Variants in COMMD9 observed in about 807,000 individuals in gnomAD.
COMMD9 encodes the protein COMM domain-containing protein 9.
A neutral mutation model predicts 23.4 loss-of-function variants in COMMD9; 22 were observed. That is an observed-to-expected ratio of 0.94 (90% CI 0.67 to 1.34). COMMD9 has a LOEUF of 1.34. COMMD9 is among the 40% of genes most tolerant of loss of function. The probability of loss-of-function intolerance (pLI) is 0.00; values close to 1 mark genes in which losing one functional copy is unlikely to be tolerated. For synonymous variants in COMMD9, 99 were observed against 97.4 expected (o/e 1.02, Z -0.10); for missense variants, 231 against 240.2 (o/e 0.96, Z 0.25).
At chr11:36,279,999 G>A (rs985597134) in intron 2 of COMMD9, among the ~76,000 whole-genome samples, 1 of 152,146 alleles carries the variant, frequency 6.6e-6, no homozygotes, top group African/African-American at 2.4e-5. Context: ...CCAGCTACTC[G>A]TGGAGCTGAG....
chr11:36,275,517 C>T (rs1047469246), intron 5 of COMMD9, among the ~76,000 whole-genome samples: 1 of 148,008 alleles, frequency 6.8e-6, no homozygotes, highest in Admixed American at 6.7e-5. Flanking sequence ...GATCTCGGCT[C>T]ACTGCAATCT....
At chr11:36,285,599 A>G (rs563776761) in intron 1 of COMMD9, among the ~76,000 whole-genome samples, 1 of 152,214 alleles carries the variant, frequency 6.6e-6, no homozygotes, top group South Asian at 2.1e-4. Context: ...TCATAAAAAT[A>G]GATGCGAAAA....
At chr11:36,279,420 TTC>T (rs1298443276) in intron 2 of COMMD9, among the ~76,000 whole-genome samples, 1 of 152,222 alleles carries the variant, frequency 6.6e-6, no homozygotes. Context: ...AGGTAACTGT[TTC>T]TCTGCTTTAG....
intron 5 of COMMD9, among the ~76,000 whole-genome samples, chr11:36,275,131 A>G (rs1188253181): frequency 1.3e-5 from 2 of 152,240 alleles, no homozygotes; most frequent in African/African-American, 2.4e-5. Flanking sequence ...TACTTCAGAC[A>G]ATCCTGCATT....
Position 36,280,776 on chromosome 11 carries a change from C to T in COMMD9, c.113G>A (p.Gly38Asp). 6.2e-7 allele frequency: 1 copy of T among 1,610,442 alleles called. No individual in the cohort carries two copies. The highest frequency in any genetic ancestry group is 8.5e-7 in the Non-Finnish European group (1 of 1,177,700). ...TGTAACATCCAAGAGTTTTTTCAAG[C>T]CAAGGGCTGAACTGGAAAAGCTTTC... ...CQESFSSSAL[G>D]LKKLLDVTCS... The change falls in exon 2 of 6, where the codon GGC becomes GAC. Residue 38 changes from glycine (G) to aspartate (D), a missense_variant. By Grantham distance (94) the Gly-to-Asp change is moderately conservative. Coordinates refer to ENST00000263401, the MANE Select transcript of COMMD9 (RefSeq NM_014186.4).
chr11:36,274,586 C>G lies in COMMD9; in HGVS notation c.*46G>C, dbSNP rs761782494. ...CCTGCATATGGGGAGACATTTATCA[C>G]TCATGAGCAGCTGGGTCATGGCAGT... On this transcript the variant is annotated 3_prime_UTR_variant, in exon 6 of 6. Transcript: ENST00000263401. 3.0e-5 allele frequency: 48 copies of G among 1,612,166 alleles called. No individual in the cohort carries two copies. In the Admixed American group the frequency reaches 6.3e-4, roughly 21 times the overall value.
At chr11:36,276,329 C>T (rs1855972724) in intron 4 of COMMD9, 89 bp from the exon 5 acceptor site, 1 of 826,184 alleles carries the variant, frequency 1.2e-6, no homozygotes, top group South Asian at 1.4e-5. Flanking sequence ...GGACTGCACA[C>T]ATGCAATGCA....
At chr11:36,280,685 C>A in intron 2 of COMMD9, 27 bp downstream of exon 2, 1 of 1,548,306 alleles carries the variant, frequency 6.5e-7, no homozygotes, top group Admixed American at 2.0e-5. Flanking sequence ...GGGCCAGTGG[C>A]CAAAGATCAT....
rs757759565 is a variant in COMMD9, at chr11:36,274,633, C to A, written c.596G>T (p.Ter199LeuextTer10). ...RDQLSAVASK[*>L] ...CAGTGGCCCTGGCAGCTGGCTGGAT[C>A]ATTTACTGGCCACGGCAGAGAGTTG... is the stretch of plus-strand genomic sequence containing the variant. The change falls in exon 6 of 6, where the codon TGA (stop) becomes TTA (leucine). Residue 199 changes from the stop codon to leucine (L), a stop_lost. Coordinates refer to ENST00000263401, the MANE Select transcript of COMMD9 (RefSeq NM_014186.4). The A allele has an allele frequency of 6.2e-7, 1 of 1,614,200 alleles. No individual in the cohort carries two copies. Among genetic ancestry groups the A allele is most frequent in the Admixed American group, 1.7e-5 (1 of 60,030 alleles).
chr11:36,289,303 C>T, intron 1 of COMMD9, 59 bp downstream of exon 1: 1 of 1,503,630 alleles, frequency 6.7e-7, no homozygotes, highest in South Asian at 1.2e-5. Flanking sequence ...AATTCCTGCT[C>T]CGTCTAAAGT....
At chr11:36,288,757 G>A (rs1034458929) in intron 1 of COMMD9, among the ~76,000 whole-genome samples, 1 of 152,144 alleles carries the variant, frequency 6.6e-6, no homozygotes, top group Non-Finnish European at 1.5e-5. Context: ...CCGAGATTGC[G>A]CCACTGCTCT....
chr11:36,277,000 T>C, intron 4 of COMMD9, 89 bp downstream of exon 4: 1 of 1,209,562 alleles, frequency 8.3e-7, no homozygotes, highest in East Asian at 2.6e-5. Context: ...TCACTTTGGT[T>C]TCTGCCAAAA....
At chr11:36,278,643 G>A (rs1565351335) in intron 2 of COMMD9, 27 bp from the exon 3 acceptor site, 1 of 1,608,998 alleles carries the variant, frequency 6.2e-7, no homozygotes, top group Non-Finnish European at 8.5e-7. Flanking sequence ...ACCACCTGTA[G>A]CTGTAACAGA....
chr11:36,280,749 C>T lies in COMMD9; in HGVS notation c.140G>A (p.Cys47Tyr), dbSNP rs138355606. The T allele has an allele frequency of 1.9e-6, 3 of 1,609,664 alleles. No homozygotes were observed. The highest frequency in any genetic ancestry group is 2.5e-6 in the Non-Finnish European group (3 of 1,177,244). ...CTCCTGGGTCACAGACAAGCTGGAA[C>T]ATGTAACATCCAAGAGTTTTTTCAA... is the stretch of plus-strand genomic sequence containing the variant. ...LGLKKLLDVT[C>Y]SSLSVTQEEA... The change falls in exon 2 of 6, where the codon TGT becomes TAT. Residue 47 changes from cysteine to tyrosine, a missense_variant. Physicochemically the swap from Cys to Tyr is radical, Grantham distance 194. Coordinates refer to ENST00000263401, the MANE Select transcript of COMMD9 (RefSeq NM_014186.4).
intron 1 of COMMD9, among the ~76,000 whole-genome samples, chr11:36,286,615 A>G (rs1425628264): frequency 6.6e-6 from 1 of 151,864 alleles, no homozygotes; most frequent in Non-Finnish European, 1.5e-5. Context: ...CAAACAAACA[A>G]ACAAACCAAA....
intron 1 of COMMD9, among the ~76,000 whole-genome samples, chr11:36,282,257 C>G (rs957890774): frequency 2.6e-5 from 4 of 152,074 alleles, no homozygotes; most frequent in Non-Finnish European, 5.9e-5. Flanking sequence ...TAGCTCAAAA[C>G]TTCTCAAGTT....
At position 36,274,507 on chromosome 11, in the gene COMMD9, G is replaced by T; in HGVS notation, c.*125C>A. 8.4e-7 allele frequency: 1 copy of T among 1,194,488 alleles called. No individual in the cohort carries two copies. 74.0% of individuals were successfully genotyped at this position (1,194,488 alleles called of 1,614,324 possible). ...CAACTGTAACTTCTGGATGGCAGTA[G>T]CCCCCTGCTGTCCCCACCATCCTGC... is the stretch of plus-strand genomic sequence containing the variant. On this transcript the variant is annotated 3_prime_UTR_variant, in exon 6 of 6. Coordinates refer to ENST00000263401, the MANE Select transcript of COMMD9 (RefSeq NM_014186.4).
intron 1 of COMMD9, among the ~76,000 whole-genome samples, chr11:36,287,619 A>T (rs954786731): frequency 3.3e-5 from 5 of 152,032 alleles, no homozygotes; most frequent in Admixed American, 1.3e-4. Context: ...TATTTTTTTA[A>T]AAAAAGAAAA....
chr11:36,285,793 T>A (rs2197601), intron 1 of COMMD9, among the ~76,000 whole-genome samples: 26,092 of 152,110 alleles, frequency 0.17, 2,588 homozygotes, highest in South Asian at 0.3. Context: ...GAAAATCACA[T>A]GATATAAATC....
Sources: gnomAD v4.1 joint callset for allele counts (sites outside exome capture counted in the v4.1 genomes callset) on GRCh38, gnomAD v4.1.1 for gene constraint, MANE v1.5 for transcripts, NCBI Gene and HGNC (gene_info 2026-07-23, HGNC 2026-07-21) for gene names.